FARS2: variants seen among roughly 807,000 people sequenced by gnomAD.
The protein encoded by FARS2 is phenylalanyl-tRNA synthetase 2, mitochondrial, also known as phenylalanine--tRNA ligase, mitochondrial.
A neutral mutation model predicts 46.4 loss-of-function variants in FARS2; 40 were observed. The observed-to-expected ratio is 0.86, with a 90% CI of 0.67 to 1.12. FARS2 has a LOEUF of 1.12. Ranked by LOEUF, FARS2 falls within the 50% of genes most tolerant of loss-of-function variation. The pLI is 0.00. For synonymous variants in FARS2, 234 were observed against 214.9 expected, an observed-to-expected ratio of 1.09 and a Z score of -0.78; for missense variants, 513 against 567.9, an observed-to-expected ratio of 0.90 and a Z score of 0.98.
At chr6:5,610,311 T>TTAA in intron 5 of FARS2, 7 of 297,630 alleles carry the variant, frequency 2.4e-5, no homozygotes, top group East Asian at 5.5e-5. Context: ...CAATTCTTTT[T>TTAA]AAAAAAAAAA....
At chr6:5,275,165 A>G (rs1561924837) in intron 1 of FARS2, among the ~76,000 whole-genome samples, 1 of 152,166 alleles carries the variant, frequency 6.6e-6, no homozygotes, top group Non-Finnish European at 1.5e-5. Context: ...TTCTTCTTAA[A>G]CAGATGCATT....
intron 6 of FARS2, among the ~76,000 whole-genome samples, chr6:5,622,384 T>C (rs1775819708): frequency 6.6e-6 from 1 of 152,226 alleles, no homozygotes; most frequent in Non-Finnish European, 1.5e-5. Context: ...CTATTCCACA[T>C]GATGGAAACT....
In FARS2 at chr6:5,456,551, G is replaced by A. The variant is rs7742913; in HGVS notation, c.904+25379G>A. ...GTTCGAGGCCAGCCTGGCCAACATG[G>A]TGAAACCCCACCTCTACTAAAAGCA... On this transcript the variant is annotated intron_variant, in intron 4 of 6. Transcript: ENST00000274680. Among the ~76,000 whole-genome samples, 1,299 of 151,986 alleles carry A rather than the reference G, an allele frequency of 8.5e-3. 23 individuals are homozygous for A. The highest frequency in any genetic ancestry group is 0.029 in the African/African-American group (1,211 of 41,454).
At chr6:5,329,257 A>G (rs975419641) in intron 1 of FARS2, among the ~76,000 whole-genome samples, 4 of 152,198 alleles carry the variant, frequency 2.6e-5, no homozygotes, top group African/African-American at 9.7e-5. Flanking sequence ...ATCAATTTAT[A>G]AAACAAGCCA....
intron 1 of FARS2, among the ~76,000 whole-genome samples, chr6:5,302,871 G>A (rs1166194313): frequency 6.6e-6 from 1 of 152,130 alleles, no homozygotes; most frequent in Non-Finnish European, 1.5e-5. Flanking sequence ...AACAGAGAGC[G>A]GGACTGTGTG....
intron 1 of FARS2, among the ~76,000 whole-genome samples, chr6:5,342,692 C>T (rs922833688): frequency 4.0e-5 from 6 of 150,766 alleles, no homozygotes; most frequent in Non-Finnish European, 7.4e-5. Context: ...GCGGAGGTTG[C>T]AGTGAGCCGA....
chr6:5,593,190 G>A (rs575063915), intron 5 of FARS2, among the ~76,000 whole-genome samples: 2 of 152,240 alleles, frequency 1.3e-5, no homozygotes, highest in South Asian at 2.1e-4. Flanking sequence ...CCTGCCGACC[G>A]TGAGTGAGTA....
intron 1 of FARS2, among the ~76,000 whole-genome samples, chr6:5,263,790 T>A (rs1199331565): frequency 6.6e-6 from 1 of 152,260 alleles, no homozygotes; most frequent in Non-Finnish European, 1.5e-5. Flanking sequence ...GACCACTTAA[T>A]GCTTTGTGAA....
intron 6 of FARS2, among the ~76,000 whole-genome samples, chr6:5,639,278 A>G (rs1776691201): frequency 6.6e-6 from 1 of 152,250 alleles, no homozygotes. Context: ...TTCGGTGGCC[A>G]GCATATTCCC....
At position 5,720,956 on chromosome 6, in the gene FARS2, G is replaced by A. The variant is rs565684003; in HGVS notation, c.1218-50335G>A. Among the ~76,000 whole-genome samples the A allele has an allele frequency of 1.3e-4, 20 of 152,288 alleles. No homozygotes were observed. In the South Asian group the frequency reaches 4.1e-3, roughly 32 times the overall value. On this transcript the variant is annotated intron_variant, in intron 6 of 6. Transcript: ENST00000274680. Reference sequence around the variant, plus strand: ...TAGTCCCAGCCACTTAGGAGGCTGAGGTGAAAAAATTGTTTGAGGCCAGGA... The same window carrying A: ...TAGTCCCAGCCACTTAGGAGGCTGAAGTGAAAAAATTGTTTGAGGCCAGGA...
At chr6:5,545,372 T>C in intron 5 of FARS2, 32 bp downstream of exon 5, 1 of 1,549,372 alleles carries the variant, frequency 6.5e-7, no homozygotes, top group Non-Finnish European at 8.8e-7. Context: ...GAATAGATAA[T>C]AATAAAAATG....
intron 4 of FARS2, among the ~76,000 whole-genome samples, chr6:5,444,604 G>T (rs946929257): frequency 3.3e-5 from 5 of 151,556 alleles, no homozygotes; most frequent in African/African-American, 9.7e-5. Context: ...TTAGGGCAGG[G>T]AATTTTTTTG....
intron 1 of FARS2, among the ~76,000 whole-genome samples, chr6:5,365,311 T>C (rs1195946004): frequency 1.5e-5 from 2 of 137,812 alleles, no homozygotes; most frequent in African/African-American, 2.7e-5. Context: ...TTGAGAAGTA[T>C]ACTTTCTTTT....
chr6:5,604,032 C>T (rs1774687855), intron 5 of FARS2, among the ~76,000 whole-genome samples: 1 of 152,168 alleles, frequency 6.6e-6, no homozygotes, highest in African/African-American at 2.4e-5. Flanking sequence ...GAGAAACTGC[C>T]TCATGACAGC....
chr6:5,631,632 A>G (rs773921346), intron 6 of FARS2, among the ~76,000 whole-genome samples: 1 of 152,216 alleles, frequency 6.6e-6, no homozygotes, highest in Non-Finnish European at 1.5e-5. Flanking sequence ...GATCTTGGAT[A>G]CCACTCTGCC....
At chr6:5,696,034 T>C (rs1444739079) in intron 6 of FARS2, among the ~76,000 whole-genome samples, 2 of 152,226 alleles carry the variant, frequency 1.3e-5, no homozygotes, top group Admixed American at 6.5e-5. Context: ...AGCTGTAGGT[T>C]TGACAAAGAT....
intron 1 of FARS2, among the ~76,000 whole-genome samples, chr6:5,312,722 A>T (rs561621201): frequency 1.3e-5 from 2 of 152,296 alleles, no homozygotes; most frequent in East Asian, 1.9e-4. Context: ...AAGGAGTCCA[A>T]CCGGGACTCA....
chr6:5,427,101 C>T (rs1466053415), intron 3 of FARS2, among the ~76,000 whole-genome samples: 1 of 152,072 alleles, frequency 6.6e-6, no homozygotes, highest in Admixed American at 6.5e-5. Flanking sequence ...TTAGTTGACA[C>T]ATCATTGTAC....
chr6:5,457,633 C>T (rs1180041573), intron 4 of FARS2, among the ~76,000 whole-genome samples: 1 of 152,170 alleles, frequency 6.6e-6, no homozygotes, highest in Non-Finnish European at 1.5e-5. Flanking sequence ...TCTCCTAAAG[C>T]ACCTGGTTCT....
Sources: gnomAD v4.1 joint callset for allele counts (sites outside exome capture counted in the v4.1 genomes callset) on GRCh38, gnomAD v4.1.1 for gene constraint, MANE v1.5 for transcripts, NCBI Gene and HGNC (gene_info 2026-07-23, HGNC 2026-07-21) for gene names.